PIK3AP1: variants seen among roughly 807,000 people sequenced by gnomAD.
PIK3AP1 encodes the protein phosphoinositide-3-kinase adaptor protein 1, also known as phosphoinositide 3-kinase adapter protein 1.
A neutral mutation model predicts 88.1 loss-of-function variants in PIK3AP1; 21 were observed. The ratio of observed to expected loss-of-function variants is 0.24; its 90% CI spans 0.17 to 0.34. PIK3AP1 has a LOEUF of 0.34. Ranked by LOEUF, PIK3AP1 falls within the 10% of genes least tolerant of loss-of-function variation. The pLI is 1.00. For missense variants in PIK3AP1, 828 were observed against 1,035.7 expected (o/e 0.80, Z 2.75); for synonymous variants, 398 against 400.0 (o/e 1.00, Z 0.06).
chr10:96,601,278 A>G (rs1341022470), intron 16 of PIK3AP1, among the ~76,000 whole-genome samples: 5 of 152,068 alleles, frequency 3.3e-5, no homozygotes, highest in African/African-American at 1.2e-4. Flanking sequence ...GTTCGAGGCC[A>G]GCCTAGTCAA....
intron 2 of PIK3AP1, among the ~76,000 whole-genome samples, chr10:96,659,249 A>G (rs1843654454): frequency 6.6e-6 from 1 of 152,226 alleles, no homozygotes; most frequent in Admixed American, 6.5e-5. Context: ...CATGGACTTG[A>G]AACATTCAGT....
At chr10:96,709,466 A>T in intron 2 of PIK3AP1, 101 bp downstream of exon 2, 1 of 1,396,970 alleles carries the variant, frequency 7.2e-7, no homozygotes, top group Non-Finnish European at 9.8e-7. Context: ...CAGGTCTCTT[A>T]ACATAGTGAG....
At chr10:96,666,546 G>T (rs896256928) in intron 2 of PIK3AP1, among the ~76,000 whole-genome samples, 3 of 151,622 alleles carry the variant, frequency 2.0e-5, no homozygotes, top group African/African-American at 7.3e-5. Flanking sequence ...ACACTATTTG[G>T]GTCTGAAAAA....
At chr10:96,646,097 TA>T (rs1282782812) in intron 7 of PIK3AP1, among the ~76,000 whole-genome samples, 6 of 152,010 alleles carry the variant, frequency 3.9e-5, no homozygotes, top group Non-Finnish European at 8.8e-5. Context: ...TCATCTCTAC[TA>T]AAAATACAAA....
At chr10:96,700,824 G>A (rs45587331) in intron 2 of PIK3AP1, 172,921 of 985,344 alleles carry the variant, frequency 0.18, 16,060 homozygotes, top group East Asian at 0.24. Context: ...CCACGACACC[G>A]AGCAGAGCGC....
intron 2 of PIK3AP1, among the ~76,000 whole-genome samples, chr10:96,695,433 G>A (rs1168145290): frequency 6.6e-6 from 1 of 152,172 alleles, no homozygotes; most frequent in East Asian, 1.9e-4. Flanking sequence ...ACTTATTTTA[G>A]TCTAATTTAA....
intron 2 of PIK3AP1, among the ~76,000 whole-genome samples, chr10:96,678,059 G>A (rs1843949504): frequency 1.3e-5 from 2 of 152,152 alleles, no homozygotes; most frequent in Admixed American, 1.3e-4. Flanking sequence ...GACCTCCTGG[G>A]CTCAAATGAT....
chr10:96,609,097 C>G (rs1266095673), intron 14 of PIK3AP1, among the ~76,000 whole-genome samples: 1 of 152,226 alleles, frequency 6.6e-6, no homozygotes, highest in Non-Finnish European at 1.5e-5. Flanking sequence ...CTAATTAGAT[C>G]CTCAACCTGC....
intron 1 of PIK3AP1, among the ~76,000 whole-genome samples, chr10:96,715,565 C>T (rs1263439718): frequency 6.6e-6 from 1 of 152,162 alleles, no homozygotes; most frequent in Non-Finnish European, 1.5e-5. Flanking sequence ...TTCTGGAAAT[C>T]TAAAATTGTT....
intron 2 of PIK3AP1, chr10:96,700,756 A>G (rs1032658900): frequency 1.1e-6 from 1 of 935,228 alleles, no homozygotes; most frequent in Middle Eastern, 5.4e-4. Flanking sequence ...TTTTCCCCTC[A>G]GTCCTGCAAA....
At position 96,602,313 on chromosome 10, in the gene PIK3AP1, G is replaced by C; in HGVS notation, c.2327C>G (p.Pro776Arg). ...GGCAGCTCTCGGAGGCACCCTGGGG[G>C]GTCTCTCGAGGGACATGGTGGGTGT... ...DGTPTMSLER[P>R]PRVPPRAASQ... The change falls in exon 16 of 17, where the codon CCC (proline) becomes CGC (arginine). Residue 776 changes from proline (P) to arginine (R), a missense_variant. Pro to Arg is a moderately radical substitution (Grantham distance 103, BLOSUM62 -2). Transcript: ENST00000339364. 1 of 1,607,450 alleles carries C rather than the reference G, an allele frequency of 6.2e-7. No homozygotes were observed. The highest frequency in any genetic ancestry group is 8.5e-7 in the Non-Finnish European group (1 of 1,177,722).
At chr10:96,632,497 C>T (rs1231250466) in intron 8 of PIK3AP1, among the ~76,000 whole-genome samples, 5 of 151,782 alleles carry the variant, frequency 3.3e-5, no homozygotes, top group Admixed American at 6.6e-5. Flanking sequence ...CATGATCCTC[C>T]TTTCTGTCTG....
intron 2 of PIK3AP1, among the ~76,000 whole-genome samples, chr10:96,661,076 C>A (rs1473018034): frequency 6.6e-6 from 1 of 152,042 alleles, no homozygotes; most frequent in African/African-American, 2.4e-5. Flanking sequence ...CAAAAATTAG[C>A]CTCTCATGAG....
intron 2 of PIK3AP1, among the ~76,000 whole-genome samples, chr10:96,692,336 G>T (rs1487780155): frequency 6.6e-6 from 1 of 152,206 alleles, no homozygotes; most frequent in Non-Finnish European, 1.5e-5. Context: ...AGCGCTTTGG[G>T]AGGCCAAGGC....
intron 2 of PIK3AP1, among the ~76,000 whole-genome samples, chr10:96,705,886 T>TAGTTG (rs1425540927): frequency 3.7e-5 from 4 of 109,484 alleles, no homozygotes; most frequent in African/African-American, 1.7e-4. Flanking sequence ...AGCCAGTTGT[T>TAGTTG]TTTTTTTTTT....
chr10:96,653,634 C>T (rs1294086898), intron 3 of PIK3AP1, among the ~76,000 whole-genome samples: 2 of 151,528 alleles, frequency 1.3e-5, no homozygotes, highest in Non-Finnish European at 1.5e-5. Flanking sequence ...ATTACAGACA[C>T]CTGCCACCAC....
At chr10:96,650,328 G>A (rs1477170200) in intron 6 of PIK3AP1, among the ~76,000 whole-genome samples, 3 of 152,164 alleles carry the variant, frequency 2.0e-5, no homozygotes, top group Non-Finnish European at 4.4e-5. Flanking sequence ...TTTGTGTAGT[G>A]CAACCATGGC....
chr10:96,681,029 G>A (rs1212725125), intron 2 of PIK3AP1, among the ~76,000 whole-genome samples: 2 of 152,180 alleles, frequency 1.3e-5, no homozygotes, highest in Non-Finnish European at 2.9e-5. Context: ...TAGACTGTGT[G>A]GCTTAAACAA....
intron 12 of PIK3AP1, among the ~76,000 whole-genome samples, chr10:96,617,670 A>C (rs998142936): frequency 1.3e-5 from 2 of 152,196 alleles, no homozygotes; most frequent in African/African-American, 2.4e-5. Flanking sequence ...ACAGGAGCAG[A>C]TGCAAGAGGA....
Sources: allele counts gnomAD v4.1 joint callset (sites outside exome capture counted in the v4.1 genomes callset), GRCh38; gene constraint gnomAD v4.1.1; transcripts MANE v1.5; gene names NCBI Gene and HGNC (gene_info 2026-07-23, HGNC 2026-07-21).